The following CRYL1 variants were observed in gnomAD, a reference collection of about 807,000 sequenced individuals.
The protein encoded by CRYL1 is lambda-crystallin homolog.
Under a neutral mutation model 36.6 loss-of-function variants are expected in CRYL1, and 29 were observed. That is an observed-to-expected ratio of 0.79 (90% confidence interval 0.59 to 1.08). CRYL1 has a LOEUF of 1.08. Ranked by LOEUF, CRYL1 falls within the 50% of genes least tolerant of loss-of-function variation. The pLI is 0.00. For missense variants in CRYL1, 411 were observed against 407.9 expected, an observed-to-expected ratio of 1.01 and a Z score of -0.06; for synonymous variants, 152 against 151.5, an observed-to-expected ratio of 1.00 and a Z score of -0.02.
At chr13:20,456,909 G>A (rs1368617983) in intron 3 of CRYL1, among the ~76,000 whole-genome samples, 2 of 152,190 alleles carry the variant, frequency 1.3e-5, no homozygotes, top group Non-Finnish European at 2.9e-5. Flanking sequence ...CCTCTCAGCT[G>A]CACACCCACG....
intron 2 of CRYL1, among the ~76,000 whole-genome samples, chr13:20,495,132 C>G (rs1352287026): frequency 1.3e-5 from 2 of 152,146 alleles, no homozygotes; most frequent in African/African-American, 4.8e-5. Context: ...TTTTTTTATT[C>G]TTTTGGAAGA....
rs1467573210 is a variant in CRYL1, at chr13:20,508,847, CCAAAAAAAAAAAAAAAAAAAAAAAAAAA to C, written c.149+3568_149+3595del. On this transcript the variant is annotated intron_variant, in intron 2 of 7. Coordinates refer to ENST00000298248, the MANE Select transcript of CRYL1 (RefSeq NM_015974.3). ...CCGGCCTAGGTGGCAGAGCGAGACT[CCAAAAAAAAAAAAAAAAAAAAAAAAAAA>C]CAAAAAAAAAAAACTGACAACAACA... Among the ~76,000 whole-genome samples, 14 of 38,720 alleles carry C rather than the reference CCAAAAAAAAAAAAAAAAAAAAAAAAAAA, an allele frequency of 3.6e-4. No homozygotes were observed. In the Admixed American group the frequency reaches 5.2e-3, roughly 14 times the overall value. 25.4% of individuals were successfully genotyped at this position (38,720 alleles called of 152,430 possible).
chr13:20,426,202 C>A (rs1251958785), intron 5 of CRYL1, among the ~76,000 whole-genome samples: 4 of 151,748 alleles, frequency 2.6e-5, no homozygotes, highest in Non-Finnish European at 5.9e-5. Flanking sequence ...CGATTCTCAT[C>A]CTCTGTGCAG....
chr13:20,457,337 G>T (rs2032714043), intron 3 of CRYL1, among the ~76,000 whole-genome samples: 1 of 152,134 alleles, frequency 6.6e-6, no homozygotes. Flanking sequence ...AATTAATGGT[G>T]TGGTTTCTGT....
intron 3 of CRYL1, among the ~76,000 whole-genome samples, chr13:20,472,078 C>G (rs1449479380): frequency 6.6e-6 from 1 of 152,112 alleles, no homozygotes; most frequent in African/African-American, 2.4e-5. Flanking sequence ...CCAGGCTGGT[C>G]TCCAACTCCT....
intron 4 of CRYL1, among the ~76,000 whole-genome samples, chr13:20,437,507 C>T (rs1292309131): frequency 6.6e-6 from 1 of 152,040 alleles, no homozygotes; most frequent in Non-Finnish European, 1.5e-5. Context: ...CGGGGTTTCA[C>T]CGTGTTAGCC....
intron 3 of CRYL1, among the ~76,000 whole-genome samples, chr13:20,487,927 C>A (rs2033432865): frequency 6.6e-6 from 1 of 152,064 alleles, no homozygotes; most frequent in African/African-American, 2.4e-5. Context: ...CATGGTGAAA[C>A]CCTGTCTCTA....
intron 3 of CRYL1, among the ~76,000 whole-genome samples, chr13:20,478,751 A>C (rs536424365): frequency 1.3e-5 from 2 of 151,908 alleles, no homozygotes; most frequent in African/African-American, 4.8e-5. Context: ...TTCTGGGATC[A>C]CAGGCATGAG....
At chr13:20,451,633 A>G (rs2032571980) in intron 3 of CRYL1, among the ~76,000 whole-genome samples, 2 of 152,234 alleles carry the variant, frequency 1.3e-5, no homozygotes, top group Admixed American at 1.3e-4. Context: ...TTGAAAAACA[A>G]CAGATGCTGG....
At chr13:20,438,346 T>C (rs952176588) in intron 4 of CRYL1, among the ~76,000 whole-genome samples, 6 of 152,084 alleles carry the variant, frequency 3.9e-5, no homozygotes, top group African/African-American at 7.2e-5. Context: ...ACTGCCCAAG[T>C]CCTGTGACAT....
At chr13:20,520,640 G>A (rs1388863197) in intron 1 of CRYL1, among the ~76,000 whole-genome samples, 1 of 152,100 alleles carries the variant, frequency 6.6e-6, no homozygotes, top group Non-Finnish European at 1.5e-5. Flanking sequence ...GACCCCTGGG[G>A]ACCAGCTGGT....
At position 20,443,448 on chromosome 13, in the gene CRYL1, C is replaced by T. The variant is rs185328981; in HGVS notation, c.277-3694G>A. ...TCACTCTGTTGCCCAGGCTGGAGTA[C>T]AATGGCATGATCTCAGCTCACTGCA... On this transcript the variant is annotated intron_variant, in intron 3 of 7. Transcript: ENST00000298248. Among the ~76,000 whole-genome samples the T allele has an allele frequency of 1.2e-3, 188 of 152,132 alleles. 2 individuals are homozygous for T. The highest frequency in any genetic ancestry group is 4.1e-3 in the African/African-American group (169 of 41,494).
chr13:20,462,282 G>T (rs975428923), intron 3 of CRYL1, among the ~76,000 whole-genome samples: 5 of 151,754 alleles, frequency 3.3e-5, no homozygotes, highest in African/African-American at 4.8e-5. Flanking sequence ...GCGCCCAGGG[G>T]ATGGCAGTAC....
In CRYL1 at chr13:20,404,198, G is replaced by C; in HGVS notation, c.891C>G (p.Ala297=). The C allele has an allele frequency of 6.2e-7, 1 of 1,613,988 alleles. No homozygotes were observed. The highest frequency in any genetic ancestry group is 1.1e-5 in the South Asian group (1 of 91,078). ...GGCACTCGTCCCTCCACTGCCTCCT[G>C]GCAGCTAAGTGCTCCGGGTCATCAG... ...KVPDDPEHLA[A]RRQWRDECLM... Residue 297 remains alanine (A), a synonymous_variant, in exon 8 of 8, where the codon GCC becomes GCG. Coordinates refer to ENST00000298248, the MANE Select transcript of CRYL1 (RefSeq NM_015974.3).
intron 3 of CRYL1, among the ~76,000 whole-genome samples, chr13:20,465,527 A>T (rs1377400347): frequency 6.6e-6 from 1 of 152,172 alleles, no homozygotes; most frequent in African/African-American, 2.4e-5. Flanking sequence ...ATGCACAAAC[A>T]GTTGGAAAGC....
chr13:20,510,274 G>T (rs1254973594), intron 2 of CRYL1, among the ~76,000 whole-genome samples: 1 of 152,166 alleles, frequency 6.6e-6, no homozygotes, highest in African/African-American at 2.4e-5. Flanking sequence ...TTCTTCAGTG[G>T]GTGAATAGAT....
intron 3 of CRYL1, among the ~76,000 whole-genome samples, chr13:20,474,931 C>T (rs1042616736): frequency 2.0e-5 from 3 of 152,166 alleles, no homozygotes; most frequent in Non-Finnish European, 4.4e-5. Context: ...CAAGGCTCCC[C>T]TGCCTCAGGG....
chr13:20,511,388 G>A (rs1593499404), intron 2 of CRYL1, among the ~76,000 whole-genome samples: 1 of 152,046 alleles, frequency 6.6e-6, no homozygotes, highest in Non-Finnish European at 1.5e-5. Context: ...TACCAGGCCT[G>A]GACAAGGTTT....
At chr13:20,430,758 G>T in intron 5 of CRYL1, 1 of 985,368 alleles carries the variant, frequency 1.0e-6, no homozygotes, top group Non-Finnish European at 1.2e-6. Flanking sequence ...AGCTGAGATT[G>T]CCTGTAAAAC....
Sources: gnomAD v4.1 joint callset for allele counts (sites outside exome capture counted in the v4.1 genomes callset) on GRCh38, gnomAD v4.1.1 for gene constraint, MANE v1.5 for transcripts, NCBI Gene and HGNC (gene_info 2026-07-23, HGNC 2026-07-21) for gene names.